BMAL1: variants seen among roughly 807,000 people sequenced by gnomAD.
The protein encoded by BMAL1 is basic helix-loop-helix ARNT like 1, also known as basic helix-loop-helix ARNT-like protein 1.
the BMAL1 span, chr11:13,354,478 G>T: frequency 6.2e-7 from 1 of 1,605,460 alleles, no homozygotes; most frequent in Admixed American, 1.7e-5. Context: ...TCTTCCTCTT[G>T]TTAAACTTGG....
the BMAL1 span, among the ~76,000 whole-genome samples, chr11:13,304,015 G>T: frequency 6.6e-6 from 1 of 152,176 alleles, no homozygotes; most frequent in Non-Finnish European, 1.5e-5. Flanking sequence ...GAGAAGGAGA[G>T]TGGGAGAAGA....
chr11:13,355,146 T>A, the BMAL1 span: 2 of 1,304,860 alleles, frequency 1.5e-6, no homozygotes, highest in Non-Finnish European at 2.1e-6. Context: ...AAATGTCCAT[T>A]TAAGAGGTTT....
chr11:13,370,235 C>G, the BMAL1 span, among the ~76,000 whole-genome samples: 1 of 152,104 alleles, frequency 6.6e-6, no homozygotes, highest in Non-Finnish European at 1.5e-5. Context: ...CTCTTGCTGG[C>G]CCCTTTGCTG....
At chr11:13,325,620 C>T in the BMAL1 span, among the ~76,000 whole-genome samples, 10 of 148,610 alleles carry the variant, frequency 6.7e-5, no homozygotes, top group African/African-American at 2.0e-4. Context: ...CTGGCCCAGG[C>T]GTAGCCATGC....
the BMAL1 span, chr11:13,360,248 G>T: frequency 9.5e-7 from 1 of 1,055,284 alleles, no homozygotes; most frequent in Non-Finnish European, 1.4e-6. Flanking sequence ...CCAGGTCATA[G>T]AGACTAGGCC....
At chr11:13,351,926 GAGGATGGTATTCAAGTA>G in the BMAL1 span, among the ~76,000 whole-genome samples, 18 of 152,352 alleles carry the variant, frequency 1.2e-4, no homozygotes, top group East Asian at 3.5e-3. Flanking sequence ...ATAGCTGGAG[GAGGATGGTATTCAAGTA>G]AGTTTATTTT....
chr11:13,280,872 A>G, the BMAL1 span, among the ~76,000 whole-genome samples: 1 of 152,130 alleles, frequency 6.6e-6, no homozygotes, highest in Admixed American at 6.5e-5. Flanking sequence ...AGAGAAAGCA[A>G]GTGGACCTCT....
chr11:13,326,618 T>G, the BMAL1 span, among the ~76,000 whole-genome samples: 28 of 152,198 alleles, frequency 1.8e-4, no homozygotes, highest in Non-Finnish European at 3.2e-4. Context: ...GGATTGATTC[T>G]CAACTAGCTG....
At chr11:13,335,865 A>G in the BMAL1 span, among the ~76,000 whole-genome samples, 1 of 152,134 alleles carries the variant, frequency 6.6e-6, no homozygotes, top group African/African-American at 2.4e-5. Context: ...TCTTCTTTGT[A>G]TTACAGTTAG....
At chr11:13,380,664 C>CT in the BMAL1 span, 2 of 154,662 alleles carry the variant, frequency 1.3e-5, no homozygotes, top group African/African-American at 4.8e-5. Context: ...AGAGTATTCA[C>CT]TAGCTAAACA....
At chr11:13,318,065 G>C in the BMAL1 span, among the ~76,000 whole-genome samples, 1 of 152,252 alleles carries the variant, frequency 6.6e-6, no homozygotes, top group African/African-American at 2.4e-5. Context: ...GTGCGGAAGA[G>C]TGGTGGTCCC....
chr11:13,333,622 G>A, the BMAL1 span, among the ~76,000 whole-genome samples: 9 of 152,186 alleles, frequency 5.9e-5, no homozygotes, highest in African/African-American at 1.7e-4. Context: ...CTAACCACCC[G>A]CCAGTGCAGG....
At chr11:13,374,290 C>A in the BMAL1 span, 1 of 1,247,748 alleles carries the variant, frequency 8.0e-7, no homozygotes, top group South Asian at 1.3e-5. Flanking sequence ...AATCTGTCCA[C>A]TGAGGATGTA....
the BMAL1 span, among the ~76,000 whole-genome samples, chr11:13,350,956 A>G: frequency 3.3e-5 from 5 of 152,354 alleles, no homozygotes; most frequent in Non-Finnish European, 5.9e-5. Flanking sequence ...TTTATTGAGC[A>G]CTTAGTATGT....
chr11:13,357,404 G>GC, the BMAL1 span, among the ~76,000 whole-genome samples: 2 of 152,218 alleles, frequency 1.3e-5, no homozygotes, highest in East Asian at 3.9e-4. This position sits in a 1 kb window ranked among gnomAD's most constrained non-coding sequence, Gnocchi z 4.8. Flanking sequence ...TGACTGGAGC[G>GC]CCCTCCGCAG....
chr11:13,352,535 G>A, the BMAL1 span, among the ~76,000 whole-genome samples: 1 of 152,214 alleles, frequency 6.6e-6, no homozygotes, highest in African/African-American at 2.4e-5. Flanking sequence ...TCTTGTTGGG[G>A]ATAGAAATTA....
the BMAL1 span, among the ~76,000 whole-genome samples, chr11:13,340,509 A>G: frequency 7.2e-5 from 11 of 152,172 alleles, no homozygotes. Flanking sequence ...AAGCGGTTGG[A>G]CTCTTAAAAC....
At chr11:13,283,498 C>G in the BMAL1 span, among the ~76,000 whole-genome samples, 1 of 152,188 alleles carries the variant, frequency 6.6e-6, no homozygotes, top group Non-Finnish European at 1.5e-5. Context: ...GTTTTATAAA[C>G]TGCCCAAGGT....
the BMAL1 span, among the ~76,000 whole-genome samples, chr11:13,364,495 A>G: frequency 6.6e-6 from 1 of 152,240 alleles, no homozygotes; most frequent in Non-Finnish European, 1.5e-5. Flanking sequence ...CAAAGAGCAG[A>G]TTAAGGACCA....
Sources: allele counts gnomAD v4.1 joint callset (sites outside exome capture counted in the v4.1 genomes callset), GRCh38; gene constraint gnomAD v4.1.1; non-coding constraint Gnocchi (gnomAD v3.1); transcripts MANE v1.5; gene names NCBI Gene and HGNC (gene_info 2026-07-23, HGNC 2026-07-21).